Variants in RIMS1 observed in about 807,000 individuals in gnomAD.
RIMS1 encodes regulating synaptic membrane exocytosis protein 1.
Under a neutral mutation model 214.1 loss-of-function variants are expected in RIMS1, and 83 were observed. The observed-to-expected ratio is 0.39, with a 90% CI of 0.32 to 0.47. The LOEUF (loss-of-function observed/expected upper bound fraction) is 0.47. Ranked by LOEUF, RIMS1 falls within the 20% of genes least tolerant of loss-of-function variation. RIMS1 has a pLI of 0.99. For synonymous variants in RIMS1, 793 were observed against 786.8 expected (o/e 1.01, Z -0.13); for missense variants, 2,050 against 2,161.8 (o/e 0.95, Z 1.03).
At chr6:72,156,072 A>G in intron 4 of RIMS1, 1 of 364,968 alleles carries the variant, frequency 2.7e-6, no homozygotes, top group South Asian at 2.0e-5. Context: ...TTCCCTCAGA[A>G]AATTATAAAT....
intron 6 of RIMS1, among the ~76,000 whole-genome samples, chr6:72,189,604 A>G (rs1337431638): frequency 6.6e-6 from 1 of 152,212 alleles, no homozygotes; most frequent in Non-Finnish European, 1.5e-5. Context: ...TAGCTGGCTG[A>G]TCACCCCAAG....
At chr6:72,332,683 A>T (rs1477396618) in intron 28 of RIMS1, among the ~76,000 whole-genome samples, 2 of 134,006 alleles carry the variant, frequency 1.5e-5, no homozygotes, top group South Asian at 2.3e-4. Context: ...CTTAAAGTAT[A>T]AAAAAAAAAA....
chr6:72,364,527 CT>C, intron 29 of RIMS1, among the ~76,000 whole-genome samples: 1 of 152,296 alleles, frequency 6.6e-6, no homozygotes, highest in East Asian at 1.9e-4. Flanking sequence ...GAAAAATTCT[CT>C]TATCTTTCTC....
chr6:72,243,057 C>T (rs2067665038), intron 10 of RIMS1, among the ~76,000 whole-genome samples: 1 of 151,692 alleles, frequency 6.6e-6, no homozygotes, highest in Non-Finnish European at 1.5e-5. Flanking sequence ...CATATCGTTG[C>T]CTTTTTCTGG....
chr6:72,338,205 C>G (rs939096300), intron 29 of RIMS1, among the ~76,000 whole-genome samples: 136 of 151,884 alleles, frequency 9.0e-4, no homozygotes, highest in Non-Finnish European at 8.5e-4. Flanking sequence ...ACAGTCCCAC[C>G]AACAGTGTAA....
intron 1 of RIMS1, among the ~76,000 whole-genome samples, chr6:71,942,118 A>C (rs1786337757): frequency 6.6e-6 from 1 of 152,160 alleles, no homozygotes; most frequent in African/African-American, 2.4e-5. Flanking sequence ...GACTGAGAGC[A>C]CTTTCTTTTA....
At chr6:72,045,008 A>G (rs1822546405) in intron 2 of RIMS1, among the ~76,000 whole-genome samples, 1 of 151,948 alleles carries the variant, frequency 6.6e-6, no homozygotes, top group Non-Finnish European at 1.5e-5. Flanking sequence ...TACTACTACT[A>G]GTAAGCAATA....
At chr6:71,936,592 G>A in intron 1 of RIMS1, among the ~76,000 whole-genome samples, 1 of 152,126 alleles carries the variant, frequency 6.6e-6, no homozygotes, top group East Asian at 1.9e-4. Context: ...AGAAAATAAA[G>A]CTTCCTCTAT....
chr6:72,262,750 A>G (rs780388986), intron 19 of RIMS1: 25 of 741,952 alleles, frequency 3.4e-5, no homozygotes, highest in Admixed American at 1.3e-4. Flanking sequence ...CATATAAACT[A>G]TGGACACTTA....
intron 8 of RIMS1, among the ~76,000 whole-genome samples, chr6:72,236,540 T>G (rs759725687): frequency 8.5e-5 from 13 of 152,084 alleles, no homozygotes; most frequent in African/African-American, 3.1e-4. Context: ...ACACATGAAT[T>G]TGGATGATAA....
intron 6 of RIMS1, among the ~76,000 whole-genome samples, chr6:72,219,879 A>G (rs927561512): frequency 4.6e-5 from 7 of 151,912 alleles, no homozygotes; most frequent in South Asian, 4.1e-4. Context: ...GTTTGTTATT[A>G]TATTTTCTAT....
intron 2 of RIMS1, among the ~76,000 whole-genome samples, chr6:72,016,729 C>T (rs768947846): frequency 6.6e-6 from 1 of 152,060 alleles, no homozygotes; most frequent in Non-Finnish European, 1.5e-5. Context: ...CTTCTTTTAA[C>T]TGTATTTGAC....
intron 6 of RIMS1, among the ~76,000 whole-genome samples, chr6:72,187,707 T>A (rs2049362063): frequency 6.6e-6 from 1 of 152,066 alleles, no homozygotes; most frequent in Admixed American, 6.5e-5. Flanking sequence ...TTGGTCAGGA[T>A]GGTCTTGATC....
At position 72,312,694 on chromosome 6, in the gene RIMS1, T is replaced by C. The variant is rs578040748; in HGVS notation, c.3964-812T>C. ...GTAGGTTAAATCTGAAACTGTCTAA[T>C]GAAGCCATAGTAGAAAGCTAAAGAC... is the stretch of plus-strand genomic sequence containing the variant. On this transcript the variant is annotated intron_variant, in intron 27 of 33. Coordinates refer to ENST00000521978, the MANE Select transcript of RIMS1 (RefSeq NM_014989.7). 4.6e-5 allele frequency among the ~76,000 whole-genome samples: 7 copies of C among 152,316 alleles called. No homozygotes were observed. The South Asian group carries it at 1.4e-3, about 32-fold the overall frequency.
chr6:72,033,731 C>T (rs1171007776), intron 2 of RIMS1, among the ~76,000 whole-genome samples: 1 of 152,122 alleles, frequency 6.6e-6, no homozygotes, highest in Non-Finnish European at 1.5e-5. Flanking sequence ...ATCCACACGC[C>T]TCAGCCTCCC....
At chr6:72,074,173 T>C (rs1831232476) in intron 2 of RIMS1, among the ~76,000 whole-genome samples, 1 of 152,214 alleles carries the variant, frequency 6.6e-6, no homozygotes, top group African/African-American at 2.4e-5. Context: ...TGCCCGTTAC[T>C]ACCTTAAGAG....
chr6:72,081,088 T>C (rs1454444446), intron 2 of RIMS1, among the ~76,000 whole-genome samples: 3 of 152,166 alleles, frequency 2.0e-5, no homozygotes, highest in Admixed American at 6.5e-5. Flanking sequence ...TTCAGTTCAA[T>C]TGAACTCTAA....
chr6:72,212,314 G>C (rs2053958931), intron 6 of RIMS1, among the ~76,000 whole-genome samples: 1 of 150,526 alleles, frequency 6.6e-6, no homozygotes. Context: ...CATATAATAG[G>C]AATCTATATA....
chr6:72,248,473 A>G (rs1392858305), intron 12 of RIMS1, among the ~76,000 whole-genome samples: 1 of 152,164 alleles, frequency 6.6e-6, no homozygotes, highest in Non-Finnish European at 1.5e-5. Context: ...CATTTATGTA[A>G]TAACCTTATG....
Sources: allele counts gnomAD v4.1 joint callset (sites outside exome capture counted in the v4.1 genomes callset), GRCh38; gene constraint gnomAD v4.1.1; transcripts MANE v1.5; gene names NCBI Gene and HGNC (gene_info 2026-07-23, HGNC 2026-07-21).